The following KLF8 variants were observed in gnomAD, a reference collection of about 807,000 sequenced individuals.
KLF8 encodes the protein Krueppel-like factor 8.
In KLF8, 10 loss-of-function variants were observed where a neutral mutation model predicts 18.2. The observed-to-expected ratio is 0.55, with a 90% CI of 0.34 to 0.93. KLF8 has a LOEUF of 0.93. KLF8 is among the 40% of genes least tolerant of loss of function. KLF8 has a pLI of 0.02. For synonymous variants in KLF8, 109 were observed against 97.3 expected (o/e 1.12, Z -0.71); for missense variants, 264 against 277.9 (o/e 0.95, Z 0.36).
intron 3 of KLF8, chrX:56,269,012 AC>A: frequency 1.6e-5 from 14 of 884,830 alleles, no homozygotes; most frequent in Non-Finnish European, 2.0e-5. Context: ...TTCAACACAC[AC>A]ACACACACAC....
chrX:56,169,935 G>T, the KLF8 span, among the ~76,000 whole-genome samples: 2 of 111,423 alleles, frequency 1.8e-5, no homozygotes, highest in Admixed American at 1.9e-4. Context: ...TCTCAGTGGT[G>T]GTGACCACTG....
the KLF8 span, among the ~76,000 whole-genome samples, chrX:56,080,353 A>C: frequency 4.5e-5 from 5 of 110,985 alleles, no homozygotes; most frequent in Non-Finnish European, 9.5e-5. Context: ...GGTGGTGACA[A>C]AATCTCTCAG....
chrX:56,075,413 A>G, the KLF8 span, among the ~76,000 whole-genome samples: 1 of 110,903 alleles, frequency 9.0e-6, no homozygotes, highest in African/African-American at 3.3e-5. Context: ...GTATGTATTT[A>G]TATGGCACAT....
chrX:55,965,755 A>C, the KLF8 span, among the ~76,000 whole-genome samples: 1 of 112,346 alleles, frequency 8.9e-6, no homozygotes, highest in Non-Finnish European at 1.9e-5. Flanking sequence ...TCAAGCTGAG[A>C]GCCAAGTCAA....
At chrX:56,198,528 C>T in the KLF8 span, among the ~76,000 whole-genome samples, 1 of 111,817 alleles carries the variant, frequency 8.9e-6, no homozygotes, top group African/African-American at 3.3e-5. Flanking sequence ...ATCCAATTTA[C>T]AAGGGATGTG....
chrX:55,935,296 C>A, the KLF8 span, among the ~76,000 whole-genome samples: 1 of 111,679 alleles, frequency 9.0e-6, no homozygotes, highest in Non-Finnish European at 1.9e-5. Context: ...GGTATAGACT[C>A]TTTAAGGCCT....
chrX:56,093,920 T>C, the KLF8 span, among the ~76,000 whole-genome samples: 2 of 101,636 alleles, frequency 2.0e-5, no homozygotes, highest in African/African-American at 8.0e-5. Context: ...TGTGTGTGTG[T>C]GTGTGTGTGT....
At chrX:56,166,891 C>G in the KLF8 span, among the ~76,000 whole-genome samples, 1 of 111,323 alleles carries the variant, frequency 9.0e-6, no homozygotes, top group African/African-American at 3.3e-5. Context: ...CTTTAAGAAA[C>G]AATGTCTATT....
chrX:56,149,297 C>A, the KLF8 span, among the ~76,000 whole-genome samples: 2 of 111,811 alleles, frequency 1.8e-5, no homozygotes, highest in African/African-American at 6.5e-5. Flanking sequence ...TGGCATTCAT[C>A]TAATGTTATT....
intron 2 of KLF8, among the ~76,000 whole-genome samples, chrX:56,259,374 A>G (rs1258170458): frequency 9.0e-6 from 1 of 110,693 alleles, no homozygotes; most frequent in Middle Eastern, 4.2e-3. Flanking sequence ...ACTGGCTCAT[A>G]CCTTTCTTTT....
the KLF8 span, among the ~76,000 whole-genome samples, chrX:56,191,898 T>C: frequency 2.0e-4 from 22 of 111,475 alleles, no homozygotes; most frequent in Admixed American, 1.4e-3. Flanking sequence ...TTTAAAGCCT[T>C]TGCCTAAGAT....
the KLF8 span, among the ~76,000 whole-genome samples, chrX:56,202,915 T>G: frequency 1.8e-5 from 2 of 111,507 alleles, no homozygotes; most frequent in Non-Finnish European, 3.8e-5. Flanking sequence ...TTTGATATAC[T>G]GATTTCATTT....
the KLF8 span, among the ~76,000 whole-genome samples, chrX:56,199,630 G>T: frequency 8.9e-6 from 1 of 111,927 alleles, no homozygotes; most frequent in Admixed American, 9.5e-5. Context: ...TACACTGTTG[G>T]TGGGAGTATA....
the KLF8 span, among the ~76,000 whole-genome samples, chrX:56,067,601 C>G: frequency 2.7e-5 from 3 of 111,614 alleles, no homozygotes; most frequent in East Asian, 8.6e-4. Flanking sequence ...CAAAGCTGGT[C>G]AACAGCCAGC....
the KLF8 span, among the ~76,000 whole-genome samples, chrX:56,053,134 G>A: frequency 2.1e-4 from 23 of 111,864 alleles, no homozygotes; most frequent in Admixed American, 2.2e-3. Flanking sequence ...GCTTGCGCAC[G>A]GTGCCCGCAC....
chrX:55,953,676 T>C, the KLF8 span, among the ~76,000 whole-genome samples: 1 of 110,980 alleles, frequency 9.0e-6, no homozygotes, highest in Admixed American at 9.6e-5. Flanking sequence ...CATGTGTCTA[T>C]GGCCAATTGA....
At chrX:56,121,147 C>T in the KLF8 span, among the ~76,000 whole-genome samples, 15 of 99,985 alleles carry the variant, frequency 1.5e-4, no homozygotes, top group Non-Finnish European at 2.4e-4. Context: ...GATCCCGCCA[C>T]TGCACTCCAG....
At chrX:56,010,072 C>T in the KLF8 span, among the ~76,000 whole-genome samples, 1 of 111,860 alleles carries the variant, frequency 8.9e-6, no homozygotes, top group South Asian at 3.7e-4. Flanking sequence ...CTCAACCTAG[C>T]AAGACAGGCC....
chrX:56,022,328 C>T, the KLF8 span, among the ~76,000 whole-genome samples: 1 of 109,582 alleles, frequency 9.1e-6, no homozygotes, highest in East Asian at 2.8e-4. Context: ...GGGCGGATCA[C>T]GAGGTCAGGA....
Sources: gnomAD v4.1 joint callset for allele counts (sites outside exome capture counted in the v4.1 genomes callset) on GRCh38, gnomAD v4.1.1 for gene constraint, MANE v1.5 for transcripts, NCBI Gene and HGNC (gene_info 2026-07-23, HGNC 2026-07-21) for gene names.